The following ARHGAP10 variants were observed in gnomAD, a reference collection of about 807,000 sequenced individuals.
ARHGAP10 encodes the protein rho GTPase-activating protein 10.
In ARHGAP10, 87 loss-of-function variants were observed where a neutral mutation model predicts 108.6. The observed-to-expected ratio is 0.80, with a 90% CI of 0.67 to 0.96. The LOEUF is 0.96. Among genes scored for constraint, ARHGAP10 ranks in the 40% least tolerant of loss-of-function variants. The probability of loss-of-function intolerance (pLI) is 0.00; values close to 1 mark genes in which losing one functional copy is unlikely to be tolerated. For synonymous variants in ARHGAP10, 347 were observed against 341.1 expected (o/e 1.02, Z -0.19); for missense variants, 939 against 954.5 (o/e 0.98, Z 0.21).
chr4:147,966,858 T>G lies in ARHGAP10; in HGVS notation c.1716+19T>G, dbSNP rs1246879098. The G allele has an allele frequency of 1.3e-6, 2 of 1,543,734 alleles. No homozygotes were observed. Among genetic ancestry groups the G allele is most frequent in the Non-Finnish European group, 1.8e-6 (2 of 1,134,980 alleles). ...TGAAAAGGTAAAATTTTTTTTTTCT[T>G]TAAGAGACTTTGTTTTCGGCTTGTC... On this transcript the variant is annotated intron_variant, in intron 18 of 22. Coordinates refer to ENST00000336498, the MANE Select transcript of ARHGAP10 (RefSeq NM_024605.4).
intron 3 of ARHGAP10, among the ~76,000 whole-genome samples, chr4:147,846,185 T>C (rs1300918324): frequency 2.0e-5 from 3 of 152,122 alleles, no homozygotes; most frequent in African/African-American, 7.2e-5. Flanking sequence ...TACGTTAGAG[T>C]ATGAAGGTCT....
chr4:147,757,592 C>T lies in ARHGAP10; in HGVS notation c.154+25137C>T, dbSNP rs528599350. On this transcript the variant is annotated intron_variant, in intron 1 of 22. Transcript: ENST00000336498. ...TCTAGATTTCCCTTTACCAGCTTTC[C>T]ATCTGCTGTAGCATTGACAACTTCC... 4.6e-5 allele frequency among the ~76,000 whole-genome samples: 7 copies of T among 152,308 alleles called. 1 individual carries two copies. The South Asian group carries it at 6.2e-4, about 14-fold the overall frequency.
At chr4:148,012,043 G>A (rs902454870) in intron 18 of ARHGAP10, among the ~76,000 whole-genome samples, 6 of 152,338 alleles carry the variant, frequency 3.9e-5, no homozygotes, top group Admixed American at 2.0e-4. Context: ...ACTGATGATA[G>A]TGCCAAACAA....
intron 3 of ARHGAP10, among the ~76,000 whole-genome samples, chr4:147,833,707 A>G (rs1333247474): frequency 6.0e-5 from 9 of 150,720 alleles, no homozygotes; most frequent in Admixed American, 5.3e-4. Flanking sequence ...TAAAAGTGCT[A>G]AGTGTTAAGC....
intron 20 of ARHGAP10, among the ~76,000 whole-genome samples, chr4:148,062,114 G>C (rs1729647630): frequency 6.6e-6 from 1 of 152,216 alleles, no homozygotes; most frequent in Non-Finnish European, 1.5e-5. Flanking sequence ...CCCCTGGTAG[G>C]TGAGCAGGTG....
chr4:147,885,598 G>A (rs1437889449), intron 10 of ARHGAP10, among the ~76,000 whole-genome samples: 1 of 152,120 alleles, frequency 6.6e-6, no homozygotes, highest in Non-Finnish European at 1.5e-5. Context: ...AGAGAAACCT[G>A]GGAAGAAATT....
intron 10 of ARHGAP10, among the ~76,000 whole-genome samples, chr4:147,899,920 A>G (rs1036458425): frequency 1.3e-5 from 2 of 151,036 alleles, no homozygotes; most frequent in African/African-American, 4.9e-5. Context: ...TAGAAAAGCA[A>G]TAGAATATTC....
intron 1 of ARHGAP10, among the ~76,000 whole-genome samples, chr4:147,768,077 A>T (rs1214783824): frequency 6.6e-6 from 1 of 152,244 alleles, no homozygotes; most frequent in Non-Finnish European, 1.5e-5. Flanking sequence ...TACACTGAAT[A>T]AATACCTGTA....
chr4:147,827,380 G>T (rs2126791996), intron 3 of ARHGAP10, among the ~76,000 whole-genome samples: 1 of 152,306 alleles, frequency 6.6e-6, no homozygotes, highest in African/African-American at 2.4e-5. Flanking sequence ...TATACTAAGT[G>T]CTTCAGACAA....
chr4:147,796,814 T>C (rs954117421), intron 1 of ARHGAP10, among the ~76,000 whole-genome samples: 1 of 152,200 alleles, frequency 6.6e-6, no homozygotes, highest in Non-Finnish European at 1.5e-5. Flanking sequence ...CGTGAGCCAC[T>C]GCGCCCGGCC....
chr4:147,872,023 G>T (rs545351065), intron 7 of ARHGAP10, among the ~76,000 whole-genome samples: 9 of 150,602 alleles, frequency 6.0e-5, no homozygotes, highest in African/African-American at 2.2e-4. Flanking sequence ...GATCATTTGA[G>T]CCTGGGAGGT....
rs191403394 is a variant in ARHGAP10, at chr4:147,871,389, G to A, written c.703-3632G>A. ...TTTTGCCCCCCAAGTAGGACTATTCGTGTCCGTCTCTCTATTTTACAATGA... is the reference window on the plus strand; with the variant it reads ...TTTTGCCCCCCAAGTAGGACTATTCATGTCCGTCTCTCTATTTTACAATGA... On this transcript the variant is annotated intron_variant, in intron 7 of 22. Transcript: ENST00000336498. Among the ~76,000 whole-genome samples, 30 of 152,198 alleles carry A rather than the reference G, an allele frequency of 2.0e-4. No individual in the cohort carries two copies. The East Asian group carries it at 4.8e-3, about 24-fold the overall frequency.
intron 18 of ARHGAP10, among the ~76,000 whole-genome samples, chr4:148,007,540 A>G (rs775658763): frequency 1.3e-5 from 2 of 152,198 alleles, no homozygotes; most frequent in South Asian, 2.1e-4. Context: ...TCAGCGATTC[A>G]TGAGTCAGCT....
At chr4:147,779,219 G>A (rs908138373) in intron 1 of ARHGAP10, among the ~76,000 whole-genome samples, 14 of 152,154 alleles carry the variant, frequency 9.2e-5, no homozygotes, top group African/African-American at 3.4e-4. Context: ...CATGTAAGCT[G>A]CGGCCAGAGG....
At chr4:147,742,476 CTTTTTTTTTTTTTTT>C (rs11420720) in intron 1 of ARHGAP10, among the ~76,000 whole-genome samples, 1 of 86,494 alleles carries the variant, frequency 1.2e-5, no homozygotes, top group Non-Finnish European at 2.0e-5. Flanking sequence ...TCTGTGAACA[CTTTTTTTTTTTTTTT>C]TTTTTTTTTG....
At chr4:147,805,306 G>A (rs910736880) in intron 1 of ARHGAP10, among the ~76,000 whole-genome samples, 1 of 151,966 alleles carries the variant, frequency 6.6e-6, no homozygotes, top group Admixed American at 6.6e-5. Context: ...TTTATTTCTG[G>A]GCTCTCTATT....
At chr4:147,736,346 C>T (rs1728411819) in intron 1 of ARHGAP10, among the ~76,000 whole-genome samples, 4 of 152,142 alleles carry the variant, frequency 2.6e-5, no homozygotes. Context: ...TTCTCTTTGG[C>T]TGTCTTTATG....
At chr4:147,752,869 C>T (rs1278632592) in intron 1 of ARHGAP10, among the ~76,000 whole-genome samples, 4 of 152,208 alleles carry the variant, frequency 2.6e-5, no homozygotes, top group Admixed American at 2.6e-4. Flanking sequence ...ATTAAATTTG[C>T]TGCTTATCTC....
chr4:147,868,288 G>T (rs1440272896), intron 7 of ARHGAP10, among the ~76,000 whole-genome samples: 1 of 151,228 alleles, frequency 6.6e-6, no homozygotes, highest in African/African-American at 2.4e-5. Flanking sequence ...TGAGGCTGAA[G>T]TGCAGTGGCA....
Sources: gnomAD v4.1 joint callset for allele counts (sites outside exome capture counted in the v4.1 genomes callset) on GRCh38, gnomAD v4.1.1 for gene constraint, MANE v1.5 for transcripts, NCBI Gene and HGNC (gene_info 2026-07-23, HGNC 2026-07-21) for gene names.